Variants in PWP1 observed in about 807,000 individuals in gnomAD.
The protein encoded by PWP1 is periodic tryptophan protein 1 homolog.
PWP1 carries 47 observed loss-of-function variants against 69.9 expected under a neutral mutation model. That is an observed-to-expected ratio of 0.67 (90% CI 0.53 to 0.86). PWP1 has a LOEUF of 0.86. Ranked by LOEUF, PWP1 falls within the 40% of genes least tolerant of loss-of-function variation. The pLI, the probability that PWP1 is intolerant of heterozygous loss-of-function variation, is 0.00. For synonymous variants in PWP1, 222 were observed against 208.2 expected (o/e 1.07, Z -0.57); for missense variants, 551 against 608.8 (o/e 0.91, Z 1.00).
At chr12:107,697,082 CTT>C (rs1458299353) in intron 6 of PWP1, among the ~76,000 whole-genome samples, 1 of 152,184 alleles carries the variant, frequency 6.6e-6, no homozygotes, top group Non-Finnish European at 1.5e-5. Flanking sequence ...TGTCTTACGT[CTT>C]GTTTGCACAC....
intron 6 of PWP1, among the ~76,000 whole-genome samples, chr12:107,697,162 G>A (rs1291700806): frequency 1.3e-5 from 2 of 152,116 alleles, no homozygotes; most frequent in Admixed American, 6.5e-5. Flanking sequence ...GACGGGAGGA[G>A]GGTTATTCTC....
chr12:107,693,874 AGAGTT>A (rs1048665131), intron 5 of PWP1, among the ~76,000 whole-genome samples: 1 of 152,074 alleles, frequency 6.6e-6, no homozygotes, highest in Non-Finnish European at 1.5e-5. Flanking sequence ...TTTTTTAAAT[AGAGTT>A]ATTTCAGATA....
In PWP1 at chr12:107,712,686, T is replaced by C. The variant is rs1296029643; in HGVS notation, c.*466T>C. ...CTAACTGTTCTCAAATTAATGCTCA[T>C]GATTGAGTATTCTCAGTGCAACTCG... On this transcript the variant is annotated 3_prime_UTR_variant, in exon 15 of 15. Coordinates refer to ENST00000412830, the MANE Select transcript of PWP1 (RefSeq NM_007062.3). The C allele has an allele frequency of 6.5e-6, 1 of 153,244 alleles. No homozygotes were observed. Among genetic ancestry groups the C allele is most frequent in the Non-Finnish European group, 1.5e-5 (1 of 68,810 alleles). The allele number at this position is 153,244 out of a possible 1,614,324, so 9.5% of individuals were successfully genotyped here. A position where few individuals can be genotyped will look rare whatever the true frequency, so the allele number is the denominator to read the frequency against.
At chr12:107,697,847 A>G in intron 7 of PWP1, 1 of 527,790 alleles carries the variant, frequency 1.9e-6, no homozygotes, top group Non-Finnish European at 3.6e-6. Context: ...GTATATTAAT[A>G]TGAATAGCTA....
intron 7 of PWP1, 194 bp downstream of exon 7, chr12:107,697,791 T>G: frequency 1.6e-6 from 1 of 630,794 alleles, no homozygotes; most frequent in Non-Finnish European, 2.9e-6. Context: ...ACATAAAACC[T>G]CCATTATCAT....
At chr12:107,688,089 G>A (rs984427083) in intron 1 of PWP1, among the ~76,000 whole-genome samples, 1 of 141,656 alleles carries the variant, frequency 7.1e-6, no homozygotes, top group Non-Finnish European at 1.5e-5. Flanking sequence ...AGGGTGATTT[G>A]TTAAGGAATG....
chr12:107,686,551 C>G (rs1889369262), intron 1 of PWP1, among the ~76,000 whole-genome samples: 2 of 152,202 alleles, frequency 1.3e-5, no homozygotes, highest in East Asian at 3.8e-4. Context: ...GAAAAACCTA[C>G]AAGAGTTGGA....
At chr12:107,704,809 AGT>A in intron 11 of PWP1, 62 bp downstream of exon 11, 1 of 1,313,502 alleles carries the variant, frequency 7.6e-7, no homozygotes, top group Non-Finnish European at 1.1e-6. Context: ...TAAATTCCAT[AGT>A]AGAGAGAATT....
At chr12:107,706,956 TG>T (rs1889836288) in intron 11 of PWP1, among the ~76,000 whole-genome samples, 1 of 152,182 alleles carries the variant, frequency 6.6e-6, no homozygotes, top group Non-Finnish European at 1.5e-5. Context: ...GGTAGCTTGA[TG>T]GGGATGGCAT....
At chr12:107,695,037 C>T (rs776504314) in intron 5 of PWP1, among the ~76,000 whole-genome samples, 3 of 150,396 alleles carry the variant, frequency 2.0e-5, no homozygotes, top group Admixed American at 6.7e-5. Flanking sequence ...GGGCGGATCA[C>T]GAGTTCAGGA....
chr12:107,687,681 G>A (rs1234590551), intron 1 of PWP1, among the ~76,000 whole-genome samples: 2 of 152,106 alleles, frequency 1.3e-5, no homozygotes, highest in South Asian at 2.1e-4. Flanking sequence ...TGGGAGGATC[G>A]CATGAGCCCA....
chr12:107,692,900 G>GT lies in PWP1; in HGVS notation c.405+2dup. ...TCCTTACGTTACTCTGAAAGATACA[G>GT]TAAGTATTTACATCTTTTTTCTAAT... is the stretch of plus-strand genomic sequence containing the variant. On this transcript the variant is annotated splice_donor_variant, in intron 4 of 14. Transcript: ENST00000412830. LOFTEE classifies it high-confidence loss of function. 1 of 1,613,132 alleles carries GT rather than the reference G, an allele frequency of 6.2e-7. No individual in the cohort carries two copies. Among genetic ancestry groups the GT allele is most frequent in the Admixed American group, 1.7e-5 (1 of 59,970 alleles).
At chr12:107,695,099 CAAAAA>C (rs139780863) in intron 5 of PWP1, among the ~76,000 whole-genome samples, 1 of 118,842 alleles carries the variant, frequency 8.4e-6, no homozygotes. Context: ...ACTAAAAATA[CAAAAA>C]AAAAAAAAAA....
intron 3 of PWP1, among the ~76,000 whole-genome samples, chr12:107,691,020 C>T (rs902507579): frequency 2.6e-5 from 4 of 152,116 alleles, no homozygotes; most frequent in African/African-American, 9.7e-5. Flanking sequence ...AGTAAGTAGG[C>T]TCTGGGTAGA....
intron 13 of PWP1, among the ~76,000 whole-genome samples, chr12:107,709,669 T>C (rs145045729): frequency 2.6e-5 from 4 of 152,160 alleles, no homozygotes; most frequent in Admixed American, 6.5e-5. Flanking sequence ...AGGAAAAATT[T>C]AGAAATAACC....
At chr12:107,711,951 T>A (rs987936011) in intron 14 of PWP1, among the ~76,000 whole-genome samples, 160 bp from the exon 15 acceptor site, 1 of 152,210 alleles carries the variant, frequency 6.6e-6, no homozygotes, top group African/African-American at 2.4e-5. Context: ...TTTAAAAAAA[T>A]AATTCACTTC....
At chr12:107,702,018 C>A (rs998808708) in intron 8 of PWP1, among the ~76,000 whole-genome samples, 1 of 152,126 alleles carries the variant, frequency 6.6e-6, no homozygotes, top group Non-Finnish European at 1.5e-5. Context: ...CATTTAATTA[C>A]CTTAGTACCC....
intron 11 of PWP1, among the ~76,000 whole-genome samples, chr12:107,705,593 C>T (rs1250099670): frequency 2.1e-5 from 3 of 145,540 alleles, no homozygotes; most frequent in African/African-American, 7.6e-5. Context: ...TTGTTCAATT[C>T]CCACCTATGA....
chr12:107,703,192 G>A (rs1225033050), intron 9 of PWP1, among the ~76,000 whole-genome samples, 161 bp downstream of exon 9: 1 of 152,194 alleles, frequency 6.6e-6, no homozygotes, highest in East Asian at 1.9e-4. Context: ...GCCCTGTGTG[G>A]TAGGTATAAT....
Sources: allele counts gnomAD v4.1 joint callset (sites outside exome capture counted in the v4.1 genomes callset), GRCh38; gene constraint gnomAD v4.1.1; transcripts MANE v1.5; gene names NCBI Gene and HGNC (gene_info 2026-07-23, HGNC 2026-07-21).